The following RYR2 variants were observed in gnomAD, a reference collection of about 807,000 sequenced individuals.
RYR2 encodes the protein ryanodine receptor 2.
RYR2 carries 227 observed loss-of-function variants against 601.1 expected under a neutral mutation model. That is an observed-to-expected ratio of 0.38 (90% CI 0.34 to 0.42). The LOEUF (loss-of-function observed/expected upper bound fraction) is 0.42. RYR2 is among the 10% of genes least tolerant of loss of function. The pLI, the probability that RYR2 is intolerant of heterozygous loss-of-function variation, is 1.00. For missense variants in RYR2, 4,646 were observed against 6,156.5 expected (o/e 0.75, Z 8.21); for synonymous variants, 2,223 against 2,175.1 (o/e 1.02, Z -0.61).
intron 79 of RYR2, among the ~76,000 whole-genome samples, chr1:237,736,325 G>T (rs186970322): frequency 6.6e-6 from 1 of 152,050 alleles, no homozygotes; most frequent in Non-Finnish European, 1.5e-5. Context: ...GCCAGGCACG[G>T]TGGTGCACAC....
chr1:237,660,860 G>A lies in RYR2; in HGVS notation c.8349G>A (p.Leu2783=). The change falls in exon 56 of 105, where the codon CTG becomes CTA. Residue 2783 remains leucine (L), a synonymous_variant. Transcript: ENST00000366574. ...TCAAAGAATCTTTAAAAACTATGCT[G>A]GCTTGGGGCTGGAGAATTGAAAGAA... The part of the protein sequence containing the change: ...WPIKESLKTM[L]AWGWRIERTR... The A allele has an allele frequency of 6.5e-7, 1 of 1,546,356 alleles. No individual in the cohort carries two copies. The highest frequency in any genetic ancestry group is 8.7e-7 in the Non-Finnish European group (1 of 1,143,782).
intron 15 of RYR2, among the ~76,000 whole-genome samples, chr1:237,455,017 G>T (rs1243580558): frequency 3.3e-5 from 5 of 152,122 alleles, no homozygotes; most frequent in Admixed American, 2.6e-4. Flanking sequence ...AAGCTGTCAG[G>T]AGAGGGCTAC....
At chr1:237,648,648 A>G (rs1415724976) in intron 49 of RYR2, 35 bp downstream of exon 49, 1 of 1,585,504 alleles carries the variant, frequency 6.3e-7, no homozygotes, top group African/African-American at 1.3e-5. Flanking sequence ...TCCTCTCTTG[A>G]CTCTTCACTC....
At chr1:237,663,032 T>C (rs1953076) in intron 56 of RYR2, among the ~76,000 whole-genome samples, 15,524 of 152,252 alleles carry the variant, frequency 0.1, 2,359 homozygotes, top group African/African-American at 0.33. Context: ...AGTATATTTG[T>C]GTTTGTAGCA....
At chr1:237,050,018 T>C (rs1019532601) in intron 1 of RYR2, among the ~76,000 whole-genome samples, 1 of 152,144 alleles carries the variant, frequency 6.6e-6, no homozygotes. Context: ...ATTGCAAAAG[T>C]TCTGTAGTGG....
chr1:237,822,741 G>A (rs989474147), intron 101 of RYR2, among the ~76,000 whole-genome samples: 1 of 152,142 alleles, frequency 6.6e-6, no homozygotes, highest in South Asian at 2.1e-4. Context: ...TGGCAAATTG[G>A]ATAAAGAGTC....
chr1:237,360,882 T>C (rs1420892853), intron 4 of RYR2, among the ~76,000 whole-genome samples: 1 of 152,228 alleles, frequency 6.6e-6, no homozygotes, highest in Non-Finnish European at 1.5e-5. Flanking sequence ...CCATAGGATT[T>C]ATATAGATAT....
chr1:237,530,866 T>G (rs1374385182), intron 25 of RYR2, among the ~76,000 whole-genome samples: 2 of 151,166 alleles, frequency 1.3e-5, no homozygotes, highest in Admixed American at 1.3e-4. Flanking sequence ...GTCAAGATCG[T>G]GCCACTGCAC....
intron 16 of RYR2, among the ~76,000 whole-genome samples, chr1:237,467,908 G>A (rs1660264666): frequency 6.7e-6 from 1 of 148,264 alleles, no homozygotes; most frequent in Non-Finnish European, 1.5e-5. Flanking sequence ...TCTCAGACTG[G>A]AGTGCGGTGG....
At chr1:237,797,307 T>C (rs1659374449) in intron 96 of RYR2, among the ~76,000 whole-genome samples, 1 of 151,486 alleles carries the variant, frequency 6.6e-6, no homozygotes, top group African/African-American at 2.4e-5. Context: ...TAATGATTGA[T>C]AGACATGGAA....
chr1:237,734,411 C>T (rs1315049265), intron 79 of RYR2, among the ~76,000 whole-genome samples: 1 of 152,158 alleles, frequency 6.6e-6, no homozygotes, highest in African/African-American at 2.4e-5. Context: ...GATCCAATCA[C>T]CTCCCACCTT....
At chr1:237,474,949 TA>T (rs1162700111) in intron 17 of RYR2, among the ~76,000 whole-genome samples, 2 of 152,212 alleles carry the variant, frequency 1.3e-5, no homozygotes, top group African/African-American at 4.8e-5. Flanking sequence ...ACCATGTTGA[TA>T]AAAGGCCTCT....
chr1:237,714,991 C>CAA lies in RYR2; in HGVS notation c.10324-2176_10324-2175dup, dbSNP rs5781983. Among the ~76,000 whole-genome samples, 162 of 44,390 alleles carry CAA rather than the reference C, an allele frequency of 3.6e-3. 4 individuals are homozygous for CAA. Among genetic ancestry groups the CAA allele is most frequent in the African/African-American group, 8.1e-3 (134 of 16,574 alleles). 29.1% of individuals were successfully genotyped at this position (44,390 alleles called of 152,430 possible). ...CTGGTGACAGAGCGAGACTCCATCT[C>CAA]AAAAAAAAAAAAAAAAAAAAAAAAA... On this transcript the variant is annotated intron_variant, in intron 71 of 104. Transcript: ENST00000366574.
Position 237,614,671 on chromosome 1 carries a change from C to G in RYR2, c.5543C>G (p.Pro1848Arg), listed in dbSNP as rs397516543. Residue 1848 changes from proline (P) to arginine (R), a missense_variant, in exon 37 of 105, where the codon CCC (proline) becomes CGC (arginine). Around this residue, in one of 17 missense-constraint regions of RYR2, gnomAD observed 1,807 missense variants for 2,088.1 expected, o/e 0.87. Coordinates refer to ENST00000366574, the MANE Select transcript of RYR2 (RefSeq NM_001035.3). The surrounding 1 kb of genome is among the most constrained non-coding windows in gnomAD (Gnocchi z 4.3). ...DLKHILQLIE[P>R]SVFKEAATPE... ...AAGCACATCTTGCAGTTGATTGAGC[C>G]CAGTGTGTTTAAAGAAGCTGCCACT... is the stretch of plus-strand genomic sequence containing the variant. 1.2e-6 allele frequency: 2 copies of G among 1,613,950 alleles called. No homozygotes were observed. The highest frequency in any genetic ancestry group is 2.2e-5 in the South Asian group (2 of 91,084).
At chr1:237,554,902 A>AT (rs1670739429) in intron 27 of RYR2, 2 of 151,912 alleles carry the variant, frequency 1.3e-5, no homozygotes, top group Admixed American at 1.3e-4. Flanking sequence ...GGATTAATTG[A>AT]TTTTATAAAT....
At chr1:237,708,747 G>T in intron 68 of RYR2, 111 bp from the exon 69 acceptor site, 5 of 947,518 alleles carry the variant, frequency 5.3e-6, no homozygotes, top group Non-Finnish European at 7.9e-6. Context: ...CCTTAAGGAA[G>T]TCATGTGCTG....
At chr1:237,687,355 T>C in intron 62 of RYR2, 100 bp from the exon 63 acceptor site, 1 of 684,152 alleles carries the variant, frequency 1.5e-6, no homozygotes, top group South Asian at 1.8e-5. Flanking sequence ...TTTTTTTTCT[T>C]TTTTCTTCTT....
At chr1:237,708,765 A>C (rs904959588) in intron 68 of RYR2, 93 bp from the exon 69 acceptor site, 1 of 1,136,932 alleles carries the variant, frequency 8.8e-7, no homozygotes, top group East Asian at 2.5e-5. Context: ...CTGGAGAAGG[A>C]GGCTTTAATT....
At chr1:237,467,952 G>A (rs1487653007) in intron 16 of RYR2, among the ~76,000 whole-genome samples, 4 of 150,198 alleles carry the variant, frequency 2.7e-5, no homozygotes, top group African/African-American at 4.9e-5. Flanking sequence ...TCTGCCTCCC[G>A]GGTTCAAGCG....
Sources: gnomAD v4.1 joint callset for allele counts (sites outside exome capture counted in the v4.1 genomes callset) on GRCh38, gnomAD v4.1.1 for gene constraint, gnomAD v4.1.1 regional missense constraint, Gnocchi (gnomAD v3.1) non-coding constraint, MANE v1.5 for transcripts, NCBI Gene and HGNC (gene_info 2026-07-23, HGNC 2026-07-21) for gene names.